GRM1: variants seen among roughly 807,000 people sequenced by gnomAD.
The protein encoded by GRM1 is glutamate metabotropic receptor 1, also known as metabotropic glutamate receptor 1.
A neutral mutation model predicts 90.9 loss-of-function variants in GRM1; 33 were observed. The ratio of observed to expected loss-of-function variants is 0.36; its 90% CI spans 0.28 to 0.49. GRM1 has a LOEUF of 0.49. GRM1 is among the 20% of genes least tolerant of loss of function. The pLI is 0.99. For synonymous variants in GRM1, 700 were observed against 613.2 expected (o/e 1.14, Z -2.09); for missense variants, 1,190 against 1,534.3 (o/e 0.78, Z 3.75).
intron 3 of GRM1, among the ~76,000 whole-genome samples, chr6:146,305,419 T>G (rs1215986406): frequency 6.6e-6 from 1 of 152,152 alleles, no homozygotes; most frequent in Non-Finnish European, 1.5e-5. Context: ...TGTTCCAAGT[T>G]CTTCAGGGGT....
chr6:146,166,127 A>T (rs1365810283), intron 2 of GRM1, among the ~76,000 whole-genome samples: 1 of 152,134 alleles, frequency 6.6e-6, no homozygotes, highest in Admixed American at 6.6e-5. Flanking sequence ...TATGGAATTT[A>T]TCTTAACATG....
chr6:146,404,425 C>T (rs951048659), intron 7 of GRM1, among the ~76,000 whole-genome samples: 3 of 152,016 alleles, frequency 2.0e-5, no homozygotes, highest in Non-Finnish European at 4.4e-5. Flanking sequence ...GTGCTATGTG[C>T]CATAGTAGAA....
At chr6:146,283,712 A>G (rs1782662475) in intron 2 of GRM1, among the ~76,000 whole-genome samples, 1 of 152,182 alleles carries the variant, frequency 6.6e-6, no homozygotes, top group South Asian at 2.1e-4. Flanking sequence ...TAAATATATT[A>G]TTCTCATTTT....
chr6:146,368,135 A>G lies in GRM1; in HGVS notation c.1602+10441A>G, dbSNP rs186392157. On this transcript the variant is annotated intron_variant, in intron 5 of 7. Coordinates refer to ENST00000282753, the MANE Select transcript of GRM1 (RefSeq NM_001278064.2). ...TTTTGGTAGCTACTTTAAATGAAAA[A>G]TGCTTTTTTATTTCTTCTTCAGATT... Among the ~76,000 whole-genome samples, 1,041 of 151,720 alleles carry G rather than the reference A, an allele frequency of 6.9e-3. 10 individuals are homozygous for G. Among genetic ancestry groups the G allele is most frequent in the Middle Eastern group, 0.034 (10 of 294 alleles).
rs1344925068 is a variant in GRM1 at position 146,110,376 on chromosome 6, CTT to C, written c.701-48971_701-48970del. Reference sequence around the variant, plus strand: ...ATGGGAGTCTCCCTGCACAAGCTCTCTTCTCTTGTCTGCCGCCATGTGAGATG... The same window carrying C: ...ATGGGAGTCTCCCTGCACAAGCTCTCCTCTTGTCTGCCGCCATGTGAGATG... On this transcript the variant is annotated intron_variant, in intron 1 of 7. Transcript: ENST00000282753. 4.6e-5 allele frequency among the ~76,000 whole-genome samples: 7 copies of C among 152,320 alleles called. No individual in the cohort carries two copies. The South Asian group carries it at 1.4e-3, about 32-fold the overall frequency.
intron 2 of GRM1, among the ~76,000 whole-genome samples, chr6:146,183,314 T>C (rs1363914835): frequency 6.6e-6 from 1 of 152,028 alleles, no homozygotes; most frequent in Non-Finnish European, 1.5e-5. Flanking sequence ...GATTGAAGAG[T>C]TTATTCTTTC....
chr6:146,302,383 T>G (rs1327593809), intron 2 of GRM1, among the ~76,000 whole-genome samples: 1 of 150,240 alleles, frequency 6.7e-6, no homozygotes, highest in Non-Finnish European at 1.5e-5. Flanking sequence ...GGTCACTTTT[T>G]TTTTTTGAGA....
intron 2 of GRM1, among the ~76,000 whole-genome samples, chr6:146,172,447 C>A (rs1778165359): frequency 6.6e-6 from 1 of 152,168 alleles, no homozygotes; most frequent in African/African-American, 2.4e-5. Context: ...CGAATGTATT[C>A]ACTGGTTCCA....
At chr6:146,279,088 ATTG>A (rs1316829766) in intron 2 of GRM1, among the ~76,000 whole-genome samples, 19 of 152,242 alleles carry the variant, frequency 1.2e-4, no homozygotes, top group Non-Finnish European at 2.1e-4. Flanking sequence ...CCATTTTTCT[ATTG>A]TGTCTACCAA....
At chr6:146,207,014 T>C (rs1445869140) in intron 2 of GRM1, among the ~76,000 whole-genome samples, 1 of 152,224 alleles carries the variant, frequency 6.6e-6, no homozygotes, top group African/African-American at 2.4e-5. Context: ...TAGTATTCCA[T>C]GGAGTATAGG....
chr6:146,157,115 G>C (rs1478957881), intron 1 of GRM1, among the ~76,000 whole-genome samples: 4 of 152,158 alleles, frequency 2.6e-5, no homozygotes, highest in Non-Finnish European at 5.9e-5. Flanking sequence ...CCTATGGTGA[G>C]AGTATAGATG....
rs181869328 is a variant in GRM1 at position 146,376,983 on chromosome 6, C to T, written c.1603-9907C>T. ...GGGAGTTCCCCTGCACATGCTCTCT[C>T]TCTTGCCTGTCACCATGCAAGACGT... On this transcript the variant is annotated intron_variant, in intron 5 of 7. Transcript: ENST00000282753. Among the ~76,000 whole-genome samples, 15 of 152,224 alleles carry T rather than the reference C, an allele frequency of 9.9e-5. No homozygotes were observed. In the East Asian group the frequency reaches 1.9e-3, roughly 20 times the overall value.
At chr6:146,246,296 A>C (rs1781058066) in intron 2 of GRM1, among the ~76,000 whole-genome samples, 1 of 152,130 alleles carries the variant, frequency 6.6e-6, no homozygotes, top group South Asian at 2.1e-4. Context: ...TGTAGATGAG[A>C]GCTTTGGTGA....
At chr6:146,110,288 G>A (rs1308364322) in intron 1 of GRM1, among the ~76,000 whole-genome samples, 1 of 152,084 alleles carries the variant, frequency 6.6e-6, no homozygotes, top group African/African-American at 2.4e-5. Flanking sequence ...TCATGGGGGT[G>A]GGTCTTTCCC....
At chr6:146,381,451 C>G (rs1007036873) in intron 5 of GRM1, among the ~76,000 whole-genome samples, 1 of 152,166 alleles carries the variant, frequency 6.6e-6, no homozygotes, top group Non-Finnish European at 1.5e-5. Context: ...TTTTCCCTCC[C>G]TCAGCACCTA....
chr6:146,267,082 C>A (rs991173958), intron 2 of GRM1, among the ~76,000 whole-genome samples: 1 of 152,158 alleles, frequency 6.6e-6, no homozygotes, highest in Non-Finnish European at 1.5e-5. Flanking sequence ...TTATTCCCCC[C>A]ATGTGTCCAT....
chr6:146,097,695 ATCTACAACT>A (rs1238106247), intron 1 of GRM1, among the ~76,000 whole-genome samples: 7 of 152,332 alleles, frequency 4.6e-5, no homozygotes, highest in African/African-American at 1.4e-4. Context: ...CCTTGAGCAT[ATCTACAACT>A]TCTGTCCTCT....
At position 146,327,285 on chromosome 6, in the gene GRM1, G is replaced by A. The variant is rs540744068; in HGVS notation, c.1186+22439G>A. Among the ~76,000 whole-genome samples, 14 of 152,238 alleles carry A rather than the reference G, an allele frequency of 9.2e-5. No homozygotes were observed. In the East Asian group the frequency reaches 9.7e-4, roughly 11 times the overall value. ...GGAAAGTTTGTATAATAAGGGTTAC[G>A]TAAAATCAGATAAATTCAAGGTTGT... On this transcript the variant is annotated intron_variant, in intron 3 of 7. Coordinates refer to ENST00000282753, the MANE Select transcript of GRM1 (RefSeq NM_001278064.2).
At chr6:146,087,456 G>T (rs1422662195) in intron 1 of GRM1, among the ~76,000 whole-genome samples, 1 of 152,088 alleles carries the variant, frequency 6.6e-6, no homozygotes, top group African/African-American at 2.4e-5. Context: ...GTGTGTGTCT[G>T]TGTTTGCGCG....
Sources: allele counts gnomAD v4.1 joint callset (sites outside exome capture counted in the v4.1 genomes callset), GRCh38; gene constraint gnomAD v4.1.1; transcripts MANE v1.5; gene names NCBI Gene and HGNC (gene_info 2026-07-23, HGNC 2026-07-21).